The following C2CD2 variants were observed in gnomAD, a reference collection of about 807,000 sequenced individuals.
C2CD2 encodes C2 domain-containing protein 2.
A neutral mutation model predicts 74.3 loss-of-function variants in C2CD2; 43 were observed. That is an observed-to-expected ratio of 0.58 (90% CI 0.45 to 0.75). The LOEUF (loss-of-function observed/expected upper bound fraction) is 0.75, where lower values mean the gene tolerates loss of function less well. Among genes scored for constraint, C2CD2 ranks in the 30% least tolerant of loss-of-function variants. The pLI is 0.00. For missense variants in C2CD2, 801 were observed against 916.3 expected, an observed-to-expected ratio of 0.87 and a Z score of 1.63; for synonymous variants, 422 against 390.7, an observed-to-expected ratio of 1.08 and a Z score of -0.94.
intron 10 of C2CD2, among the ~76,000 whole-genome samples, chr21:41,906,466 A>G (rs1243259120): frequency 3.3e-5 from 5 of 152,180 alleles, no homozygotes; most frequent in Non-Finnish European, 7.4e-5. Flanking sequence ...CCTGGGTTCA[A>G]GCAATTCTCC....
intron 8 of C2CD2, chr21:41,908,020 C>T (rs1033655423): frequency 5.2e-5 from 27 of 520,956 alleles, no homozygotes; most frequent in Admixed American, 1.7e-4. Context: ...AGGCAATGTC[C>T]GGCCCTGTGC....
Position 41,905,515 on chromosome 21 carries a change from G to C in C2CD2, c.1432+209C>G, listed in dbSNP as rs191169672. 3.8e-3 allele frequency among the ~76,000 whole-genome samples: 574 copies of C among 152,030 alleles called. 2 individuals carry two copies. Among genetic ancestry groups the C allele is most frequent in the Non-Finnish European group, 5.9e-3 (404 of 67,956 alleles). ...GTATTTTTAGTAGAGATGGGGTTTT[G>C]CCATGTTGGCCAGGCTGGTCTCAAA... On this transcript the variant is annotated intron_variant, in intron 11 of 13. Coordinates refer to ENST00000380486, the MANE Select transcript of C2CD2 (RefSeq NM_015500.2).
intron 1 of C2CD2, among the ~76,000 whole-genome samples, chr21:41,944,896 T>C (rs1352078644): frequency 6.6e-6 from 1 of 152,118 alleles, no homozygotes. Flanking sequence ...ACCCCGTAAT[T>C]AAAACTGTGT....
At chr21:41,900,488 C>T (rs76750066) in intron 12 of C2CD2, among the ~76,000 whole-genome samples, 5,038 of 152,214 alleles carry the variant, frequency 0.033, 279 homozygotes, top group African/African-American at 0.12. Context: ...AACTACTGGG[C>T]CCCGGACTTC....
chr21:41,921,884 A>T, intron 3 of C2CD2, 88 bp downstream of exon 3: 1 of 776,506 alleles, frequency 1.3e-6, no homozygotes. Context: ...CATGAACGTT[A>T]CAGCCCTCTG....
Position 41,896,564 on chromosome 21 carries a change from T to C in C2CD2, c.1870+2489A>G, listed in dbSNP as rs1470184587. 4.6e-5 allele frequency among the ~76,000 whole-genome samples: 7 copies of C among 152,132 alleles called. No individual in the cohort carries two copies. The South Asian group carries it at 1.4e-3, about 31-fold the overall frequency. On this transcript the variant is annotated intron_variant, in intron 13 of 13. Transcript: ENST00000380486. ...CACTGATCTTTTTTTAAACTAAAAG[T>C]AAATAAAAATTTGGGGAATACATTT...
rs929517364 is a variant in C2CD2, at chr21:41,924,091, C to A, written c.379-2006G>T. ...AGTCACAGGACAGGAAGAGAAAATTCTTTAATTCTCTGGTGGATTTATCAG... is the reference window on the plus strand; with the variant it reads ...AGTCACAGGACAGGAAGAGAAAATTATTTAATTCTCTGGTGGATTTATCAG... On this transcript the variant is annotated intron_variant, in intron 2 of 13. Coordinates refer to ENST00000380486, the MANE Select transcript of C2CD2 (RefSeq NM_015500.2). This position sits in a 1 kb window ranked among gnomAD's most constrained non-coding sequence, Gnocchi z 4.4. Among the ~76,000 whole-genome samples the A allele has an allele frequency of 4.6e-5, 7 of 152,246 alleles. No homozygotes were observed. Among genetic ancestry groups the A allele is most frequent in the African/African-American group, 1.7e-4 (7 of 41,470 alleles).
chr21:41,906,346 T>C (rs537284491), intron 10 of C2CD2, among the ~76,000 whole-genome samples: 1 of 152,298 alleles, frequency 6.6e-6, no homozygotes, highest in South Asian at 2.1e-4. Context: ...ATACAGGTAA[T>C]AGAGTTCGTG....
chr21:41,934,563 C>A (rs1223988163), intron 2 of C2CD2, among the ~76,000 whole-genome samples: 5 of 152,158 alleles, frequency 3.3e-5, no homozygotes, highest in Admixed American at 2.6e-4. Flanking sequence ...AATGCACGTA[C>A]TCTTTCTCAA....
In C2CD2 at chr21:41,924,823, G is replaced by A. The variant is rs772673343; in HGVS notation, c.379-2738C>T. The stretch of plus-strand genomic sequence containing the variant: ...GAAAACAGACTCAGAGCCTCAACCC[G>A]AGCAAGAAAGAATTTCATTTTCTTT... On this transcript the variant is annotated intron_variant, in intron 2 of 13. Transcript: ENST00000380486. This position sits in a 1 kb window ranked among gnomAD's most constrained non-coding sequence, Gnocchi z 4.4. 7.5e-4 allele frequency among the ~76,000 whole-genome samples: 114 copies of A among 152,196 alleles called. 1 individual carries two copies. Among genetic ancestry groups the A allele is most frequent in the Non-Finnish European group, 9.0e-4 (61 of 68,008 alleles).
intron 2 of C2CD2, among the ~76,000 whole-genome samples, chr21:41,930,512 C>T (rs1398847189): frequency 6.7e-6 from 1 of 149,648 alleles, no homozygotes; most frequent in Non-Finnish European, 1.5e-5. Context: ...ACCATCCTGG[C>T]TAACATGGTG....
In C2CD2 at chr21:41,899,071, T is replaced by C. The variant is rs9981024; in HGVS notation, c.1852A>G (p.Thr618Ala). The C allele has an allele frequency of 0.024, 38,546 of 1,613,342 alleles. 1,195 individuals carry two copies. The highest frequency in any genetic ancestry group is 0.14 in the African/African-American group (10,766 of 74,930). The stretch of plus-strand genomic sequence containing the variant: ...CAGGTACCTTTATGCTTTTTGGCAG[T>C]GCCCGGCTCCAAGACACTCATGGAG... The part of the protein sequence containing the change: ...ESSMSVLEPG[T>A]AKKHKGGILR... Residue 618 changes from threonine to alanine, a missense_variant, in exon 13 of 14, where the codon ACT becomes GCT. Coordinates refer to ENST00000380486, the MANE Select transcript of C2CD2 (RefSeq NM_015500.2). The surrounding 1 kb of genome is among the most constrained non-coding windows in gnomAD (Gnocchi z 4.4).
intron 5 of C2CD2, among the ~76,000 whole-genome samples, chr21:41,915,892 C>T (rs1023330445): frequency 2.6e-5 from 4 of 152,128 alleles, no homozygotes; most frequent in Non-Finnish European, 5.9e-5. Flanking sequence ...GGGACCCAGA[C>T]GGGCTTCTCG....
At chr21:41,906,554 G>A (rs1490243882) in intron 10 of C2CD2, among the ~76,000 whole-genome samples, 2 of 152,040 alleles carry the variant, frequency 1.3e-5, no homozygotes, top group Non-Finnish European at 2.9e-5. Flanking sequence ...TAGTAGAGAT[G>A]GGGTTTCACC....
chr21:41,932,492 T>C (rs943542718), intron 2 of C2CD2, among the ~76,000 whole-genome samples: 9 of 150,622 alleles, frequency 6.0e-5, no homozygotes, highest in African/African-American at 2.2e-4. Flanking sequence ...GCCTGGTGTC[T>C]GAAGTGGGGG....
chr21:41,889,562 A>C (rs1219163536), intron 13 of C2CD2, among the ~76,000 whole-genome samples: 1 of 152,312 alleles, frequency 6.6e-6, no homozygotes, highest in East Asian at 1.9e-4. Flanking sequence ...AGATTATAAC[A>C]GTAGAAGCAG....
At position 41,914,647 on chromosome 21, in the gene C2CD2, T is replaced by G; in HGVS notation, c.795A>C (p.Leu265=). 3 of 1,613,738 alleles carry G rather than the reference T, an allele frequency of 1.9e-6. No homozygotes were observed. The highest frequency in any genetic ancestry group is 2.5e-6 in the Non-Finnish European group (3 of 1,179,666). ...PKPPRAHELK[L]LVRNIHVLLL... is the part of the protein sequence containing the mutation. ...GCAAGACGTGGATGTTCCTCACCAGTAGCTTCAGCTCGTGAGCCCTTGGAG... is the reference window on the plus strand; with the variant it reads ...GCAAGACGTGGATGTTCCTCACCAGGAGCTTCAGCTCGTGAGCCCTTGGAG... The change falls in exon 6 of 14, where the codon CTA becomes CTC. Residue 265 remains leucine, a synonymous_variant. Transcript: ENST00000380486.
At chr21:41,902,555 G>A (rs963331346) in intron 11 of C2CD2, among the ~76,000 whole-genome samples, 17 of 152,234 alleles carry the variant, frequency 1.1e-4, no homozygotes, top group African/African-American at 3.9e-4. Flanking sequence ...ACTCAGAGCT[G>A]ATGCTTGTAA....
At chr21:41,944,498 G>C (rs1707190123) in intron 1 of C2CD2, among the ~76,000 whole-genome samples, 2 of 141,400 alleles carry the variant, frequency 1.4e-5, no homozygotes, top group Admixed American at 7.3e-5. Flanking sequence ...CTTGAGCCTG[G>C]GCGACAGAGC....
Sources: allele counts gnomAD v4.1 joint callset (sites outside exome capture counted in the v4.1 genomes callset), GRCh38; gene constraint gnomAD v4.1.1; non-coding constraint Gnocchi (gnomAD v3.1); transcripts MANE v1.5; gene names NCBI Gene and HGNC (gene_info 2026-07-23, HGNC 2026-07-21).